MIR2052HG: variants seen among roughly 807,000 people sequenced by gnomAD.
MIR2052HG encodes MIR2052 host gene.
intron 4 of MIR2052HG, among the ~76,000 whole-genome samples, chr8:74,710,484 G>A (rs557210887): frequency 6.6e-6 from 1 of 152,290 alleles, no homozygotes; most frequent in African/African-American, 2.4e-5. Context: ...TAGACCGTAA[G>A]AGAAGGGTGA....
At chr8:74,658,296 T>A (rs1808827017) in intron 2 of MIR2052HG, among the ~76,000 whole-genome samples, 1 of 152,168 alleles carries the variant, frequency 6.6e-6, no homozygotes, top group Non-Finnish European at 1.5e-5. Flanking sequence ...TTTATTATGT[T>A]TATTGTCTGT....
chr8:74,751,781 A>G (rs1317307128), intron 4 of MIR2052HG, among the ~76,000 whole-genome samples: 1 of 152,236 alleles, frequency 6.6e-6, no homozygotes, highest in East Asian at 1.9e-4. Context: ...AAATTTAGTG[A>G]AATACACAGG....
chr8:74,728,697 C>G (rs1031465651), intron 4 of MIR2052HG, among the ~76,000 whole-genome samples: 1 of 151,904 alleles, frequency 6.6e-6, no homozygotes, highest in Admixed American at 6.6e-5. Flanking sequence ...GAGACAAATG[C>G]TAGTAATTAA....
At chr8:74,677,255 T>C (rs1319018801) in intron 2 of MIR2052HG, among the ~76,000 whole-genome samples, 2 of 152,034 alleles carry the variant, frequency 1.3e-5, no homozygotes, top group Non-Finnish European at 2.9e-5. Flanking sequence ...AGTGTGTTAA[T>C]ACACCTCTTT....
intron 4 of MIR2052HG, among the ~76,000 whole-genome samples, chr8:74,728,958 C>G (rs1809662814): frequency 6.6e-6 from 1 of 152,022 alleles, no homozygotes; most frequent in Non-Finnish European, 1.5e-5. Flanking sequence ...CAGGCTTTTC[C>G]CTGAAAGTAA....
rs547616293 is a variant in MIR2052HG, at chr8:74,673,144, G to A, written n.217-29235G>A. Among the ~76,000 whole-genome samples the A allele has an allele frequency of 3.3e-5, 5 of 152,152 alleles. No homozygotes were observed. The South Asian group carries it at 8.3e-4, about 25-fold the overall frequency. Reference sequence around the variant, plus strand: ...GAATTCCAGCTGTTTGGACAGTTACGTATTGTTTAATAGGGTAGATTCTTT... The same window carrying A: ...GAATTCCAGCTGTTTGGACAGTTACATATTGTTTAATAGGGTAGATTCTTT... On this transcript the variant is annotated intron_variant and non_coding_transcript_variant, in intron 2 of 6. Coordinates refer to ENST00000523442, the Ensembl canonical transcript of MIR2052HG.
chr8:74,626,742 A>T (rs575257431), intron 2 of MIR2052HG, among the ~76,000 whole-genome samples: 1 of 152,312 alleles, frequency 6.6e-6, no homozygotes, highest in African/African-American at 2.4e-5. Context: ...TGACAGGCCA[A>T]GGTGAAAGTC....
chr8:74,687,515 A>G, intron 2 of MIR2052HG, among the ~76,000 whole-genome samples: 1 of 152,150 alleles, frequency 6.6e-6, no homozygotes, highest in South Asian at 2.1e-4. Context: ...TTTAGCCATA[A>G]AAGAAGGGAA....
intron 2 of MIR2052HG, among the ~76,000 whole-genome samples, chr8:74,645,121 A>C (rs2128735615): frequency 6.6e-6 from 1 of 152,238 alleles, no homozygotes; most frequent in South Asian, 2.1e-4. Flanking sequence ...AAGTAAGAAG[A>C]AATGTACTAT....
At chr8:74,609,822 C>T (rs1477595645) in intron 1 of MIR2052HG, 1 of 150,970 alleles carries the variant, frequency 6.6e-6, no homozygotes, top group African/African-American at 2.4e-5. Flanking sequence ...CCACTATGAA[C>T]ATATGTGAAA....
At chr8:74,600,439 C>T (rs1426363843) in intron 1 of MIR2052HG, among the ~76,000 whole-genome samples, 10 of 151,252 alleles carry the variant, frequency 6.6e-5, no homozygotes, top group African/African-American at 1.9e-4. Context: ...CAAAATTAGC[C>T]GGGCGTGGTT....
intron 1 of MIR2052HG, among the ~76,000 whole-genome samples, chr8:74,602,833 C>CT (rs1223594268): frequency 7.4e-6 from 1 of 134,260 alleles, no homozygotes; most frequent in Non-Finnish European, 1.6e-5. Flanking sequence ...TTCTTTCTTT[C>CT]TTTCTTTCTT....
At chr8:74,642,059 T>C (rs1010575372) in intron 2 of MIR2052HG, among the ~76,000 whole-genome samples, 2 of 152,124 alleles carry the variant, frequency 1.3e-5, no homozygotes, top group South Asian at 4.2e-4. Flanking sequence ...GATGTTCTAT[T>C]CATATTATAT....
intron 1 of MIR2052HG, chr8:74,609,686 A>C (rs540176376): frequency 5.0e-4 from 75 of 150,646 alleles, no homozygotes; most frequent in Non-Finnish European, 9.3e-4. Context: ...AGACTAAAAA[A>C]AGATACTCTC....
intron 2 of MIR2052HG, among the ~76,000 whole-genome samples, chr8:74,695,381 C>A (rs1331615905): frequency 6.6e-6 from 1 of 151,878 alleles, no homozygotes; most frequent in Non-Finnish European, 1.5e-5. Flanking sequence ...TCTCACAGGA[C>A]CTATAAAACA....
chr8:74,691,064 GAA>G (rs1809235127), intron 2 of MIR2052HG, among the ~76,000 whole-genome samples: 1 of 152,174 alleles, frequency 6.6e-6, no homozygotes. Flanking sequence ...CACAAGGCAG[GAA>G]GATACATTAC....
At chr8:74,680,157 T>C (rs1205416150) in intron 2 of MIR2052HG, among the ~76,000 whole-genome samples, 2 of 152,202 alleles carry the variant, frequency 1.3e-5, no homozygotes, top group Non-Finnish European at 2.9e-5. Flanking sequence ...TACCAGAGTC[T>C]ATTTATAAAA....
At chr8:74,616,015 A>C (rs572732324) in intron 2 of MIR2052HG, among the ~76,000 whole-genome samples, 5 of 152,100 alleles carry the variant, frequency 3.3e-5, no homozygotes. Context: ...TCTATCATTG[A>C]TGGACGTTTG....
At chr8:74,608,372 T>C (rs1808143455) in intron 1 of MIR2052HG, among the ~76,000 whole-genome samples, 1 of 152,196 alleles carries the variant, frequency 6.6e-6, no homozygotes, top group Non-Finnish European at 1.5e-5. Flanking sequence ...ACTCTTTTTT[T>C]CTTTAACAAC....
Sources: allele counts gnomAD v4.1 joint callset (sites outside exome capture counted in the v4.1 genomes callset), GRCh38; gene constraint gnomAD v4.1.1; transcripts MANE v1.5; gene names NCBI Gene and HGNC (gene_info 2026-07-23, HGNC 2026-07-21).